The following NOX1 variants were observed in gnomAD, a reference collection of about 807,000 sequenced individuals.
NOX1 encodes the protein NADH/NADPH mitogenic oxidase subunit P65-MOX.
A neutral mutation model predicts 42.5 loss-of-function variants in NOX1; 34 were observed. That is an observed-to-expected ratio of 0.80 (90% CI 0.61 to 1.07). The LOEUF (loss-of-function observed/expected upper bound fraction) is 1.07. Among genes scored for constraint, NOX1 ranks in the 50% least tolerant of loss-of-function variants. The pLI is 0.00. For synonymous variants in NOX1, 143 were observed against 152.5 expected (o/e 0.94, Z 0.46); for missense variants, 408 against 427.0 (o/e 0.96, Z 0.39).
chrX:100,855,694 CAT>C (rs1450629616), intron 7 of NOX1: 3 of 1,035,222 alleles, frequency 2.9e-6, no homozygotes, highest in Non-Finnish European at 4.0e-6. Flanking sequence ...CCACTGCCAC[CAT>C]ATCCACCACC....
At chrX:100,853,567 A>C (rs1439469114) in intron 7 of NOX1, among the ~76,000 whole-genome samples, 1 of 103,961 alleles carries the variant, frequency 9.6e-6, no homozygotes, top group Non-Finnish European at 1.9e-5. Flanking sequence ...CACCTGGCGA[A>C]TTTTTGCATT....
chrX:100,856,622 G>C (rs1278648474), intron 7 of NOX1, among the ~76,000 whole-genome samples: 1 of 109,832 alleles, frequency 9.1e-6, no homozygotes, highest in Admixed American at 9.7e-5. Flanking sequence ...AACCAGGCTG[G>C]AGTGCGGTGG....
Position 100,874,241 on chromosome X carries a change from T to C in NOX1, c.-102A>G. 1.8e-6 allele frequency: 1 copy of C among 554,103 alleles called. No homozygotes were observed. Among genetic ancestry groups the C allele is most frequent in the Non-Finnish European group, 3.1e-6 (1 of 322,914 alleles). 45.7% of individuals were successfully genotyped at this position (554,103 alleles called of 1,213,427 possible). A position where few individuals can be genotyped will look rare whatever the true frequency, so the allele number is the denominator to read the frequency against. On this transcript the variant is annotated 5_prime_UTR_variant, in exon 1 of 13. Coordinates refer to ENST00000372966, the MANE Select transcript of NOX1 (RefSeq NM_007052.5). ...AATGGAACATTTGTCCAGCGCAGGG[T>C]CTGTGAGCCTTTAAGATGTGAAAAA...
At chrX:100,866,824 T>A (rs1474090499) in intron 2 of NOX1, among the ~76,000 whole-genome samples, 1 of 110,206 alleles carries the variant, frequency 9.1e-6, no homozygotes, top group Non-Finnish European at 1.9e-5. Flanking sequence ...TGTTCACTAT[T>A]CAGGTGATAG....
intron 7 of NOX1, among the ~76,000 whole-genome samples, chrX:100,854,835 A>C (rs1173739156): frequency 9.0e-6 from 1 of 111,666 alleles, no homozygotes; most frequent in Non-Finnish European, 1.9e-5. Flanking sequence ...TCTCCACCCA[A>C]GCAGGTTGTA....
At chrX:100,867,819 AGAAG>A (rs745380857) in intron 2 of NOX1, among the ~76,000 whole-genome samples, 13 of 108,627 alleles carry the variant, frequency 1.2e-4, no homozygotes, top group African/African-American at 1.7e-4. Flanking sequence ...AGAGAAGGAA[AGAAG>A]GAAGGAAGGA....
chrX:100,853,326 CTCTT>C (rs2085138981), intron 7 of NOX1, among the ~76,000 whole-genome samples: 7 of 21,235 alleles, frequency 3.3e-4, no homozygotes, highest in Non-Finnish European at 4.8e-4. Flanking sequence ...TTCTTTCTCT[CTCTT>C]TCTCTTTCTT....
At chrX:100,853,266 CTTTCTTT>C (rs1569445460) in intron 7 of NOX1, among the ~76,000 whole-genome samples, 8 of 26,924 alleles carry the variant, frequency 3.0e-4, no homozygotes, top group South Asian at 1.7e-3. Flanking sequence ...TCCTTCCTTT[CTTTCTTT>C]CTTTCTTTCT....
chrX:100,848,641 G>A lies in NOX1; in HGVS notation c.1557C>T (p.Thr519=). The change falls in exon 12 of 13, where the codon ACC becomes ACT. Residue 519 remains threonine, a synonymous_variant. Transcript: ENST00000372966. ...MWDNEFSTIA[T]SHPKSVVGVF... ...GAAAATATACTTACTTGGGGTGGGA[G>A]GTAGCTATTGTAGAAAACTCATTGT... is the stretch of plus-strand genomic sequence containing the variant. The A allele has an allele frequency of 8.3e-7, 1 of 1,210,100 alleles. No individual in the cohort carries two copies. The highest frequency in any genetic ancestry group is 1.1e-6 in the Non-Finnish European group (1 of 894,192).
At chrX:100,868,422 C>T (rs1017244148) in intron 2 of NOX1, among the ~76,000 whole-genome samples, 8 of 111,638 alleles carry the variant, frequency 7.2e-5, no homozygotes, top group African/African-American at 2.0e-4. Flanking sequence ...TCTAACCAGG[C>T]AGCATCCGGG....
intron 4 of NOX1, 85 bp from the exon 5 acceptor site, chrX:100,862,905 CATTA>C: frequency 1.1e-6 from 1 of 893,452 alleles, no homozygotes; most frequent in Non-Finnish European, 1.6e-6. Flanking sequence ...AAGAATCCTA[CATTA>C]TAGTGCTTAG....
At position 100,867,762 on chromosome X, in the gene NOX1, AG is replaced by A. The variant is rs2085247978; in HGVS notation, c.141+2956del. Among the ~76,000 whole-genome samples the A allele has an allele frequency of 4.0e-5, 4 of 99,861 alleles. No homozygotes were observed. In the South Asian group the frequency reaches 2.0e-3, roughly 49 times the overall value. The allele number at this position is 99,861 out of a possible 115,157, so 86.7% of individuals were successfully genotyped here. ...AAAAAGAATGAAAACAAAGAAAGAA[AG>A]AAGGAAGGAAGGAAGGAAAAGAAAA... is the stretch of plus-strand genomic sequence containing the variant. On this transcript the variant is annotated intron_variant, in intron 2 of 12. Transcript: ENST00000372966.
At chrX:100,848,547 C>T (rs1356798698) in intron 12 of NOX1, 83 bp downstream of exon 12, 6 of 985,106 alleles carry the variant, frequency 6.1e-6, no homozygotes, top group Non-Finnish European at 8.2e-6. Context: ...CCACTTCGGC[C>T]TCCCAAAGTG....
At chrX:100,867,059 G>A (rs1439073679) in intron 2 of NOX1, among the ~76,000 whole-genome samples, 1 of 111,899 alleles carries the variant, frequency 8.9e-6, no homozygotes, top group Non-Finnish European at 1.9e-5. Flanking sequence ...TTGAGACAGA[G>A]TCTGGCTCTG....
At chrX:100,857,250 A>G (rs1262550977) in intron 7 of NOX1, among the ~76,000 whole-genome samples, 1 of 112,049 alleles carries the variant, frequency 8.9e-6, no homozygotes, top group African/African-American at 3.2e-5. Flanking sequence ...CATGGTATAT[A>G]TGTACCACAT....
At chrX:100,847,753 C>T (rs1041490023) in intron 12 of NOX1, among the ~76,000 whole-genome samples, 8 of 76,022 alleles carry the variant, frequency 1.1e-4, no homozygotes, top group East Asian at 7.3e-4. Flanking sequence ...GCGACAAGAG[C>T]GAAACTCCAT....
At position 100,843,963 on chromosome X, in the gene NOX1, C is replaced by A. The variant is rs1291550523; in HGVS notation, c.1684G>T (p.Glu562Ter). ...CTTATTCCTATAACTCAAAAATTTT[C>A]TTTGTTGAAGTAGAATTGAACCTTT... ...PRKVQFYFNK[E>*]NF Residue 562 changes from glutamate (E) to a stop codon, truncating the protein, a stop_gained, in exon 13 of 13, where the codon GAA becomes TAA. Coordinates refer to ENST00000372966, the MANE Select transcript of NOX1 (RefSeq NM_007052.5). LOFTEE classifies it high-confidence loss of function. The A allele has an allele frequency of 1.7e-6, 2 of 1,205,201 alleles. No individual in the cohort carries two copies. The highest frequency in any genetic ancestry group is 2.2e-5 in the Admixed American group (1 of 45,744).
Position 100,843,909 on chromosome X carries a change from T to A in NOX1, c.*43A>T. 8.7e-7 allele frequency: 1 copy of A among 1,145,140 alleles called. No individual in the cohort carries two copies. The highest frequency in any genetic ancestry group is 1.2e-6 in the Non-Finnish European group (1 of 839,988). The allele number at this position is 1,145,140 out of a possible 1,213,427, so 94.4% of individuals were successfully genotyped here. A position where few individuals can be genotyped will look rare whatever the true frequency, so the allele number is the denominator to read the frequency against. ...ACGAGACCAAGTAAATTACTGAAGATACAAAGAGACAAAATGCAGATTACC... is the reference window on the plus strand; with the variant it reads ...ACGAGACCAAGTAAATTACTGAAGAAACAAAGAGACAAAATGCAGATTACC... On this transcript the variant is annotated 3_prime_UTR_variant, in exon 13 of 13. Transcript: ENST00000372966.
intron 2 of NOX1, among the ~76,000 whole-genome samples, chrX:100,866,078 C>T (rs2147918634): frequency 9.0e-6 from 1 of 110,604 alleles, no homozygotes; most frequent in South Asian, 3.9e-4. Context: ...AAAAATTAGC[C>T]AGCCATGAAA....
Sources: gnomAD v4.1 joint callset for allele counts (sites outside exome capture counted in the v4.1 genomes callset) on GRCh38, gnomAD v4.1.1 for gene constraint, MANE v1.5 for transcripts, NCBI Gene and HGNC (gene_info 2026-07-23, HGNC 2026-07-21) for gene names.